Variants in RABGAP1L observed in about 807,000 individuals in gnomAD.
The protein encoded by RABGAP1L is rab GTPase-activating protein 1-like.
A neutral mutation model predicts 137.7 loss-of-function variants in RABGAP1L; 63 were observed. The observed-to-expected ratio is 0.46, with a 90% confidence interval of 0.37 to 0.56. RABGAP1L has a LOEUF of 0.56. RABGAP1L is among the 20% of genes least tolerant of loss of function. RABGAP1L has a pLI of 0.00. For synonymous variants in RABGAP1L, 431 were observed against 433.7 expected (o/e 0.99, Z 0.08); for missense variants, 1,095 against 1,244.0 (o/e 0.88, Z 1.80).
chr1:174,427,399 G>A (rs1002255763), intron 13 of RABGAP1L, among the ~76,000 whole-genome samples: 3 of 151,952 alleles, frequency 2.0e-5, no homozygotes, highest in East Asian at 1.9e-4. Flanking sequence ...TCTCTCTTAA[G>A]CATGTCTTAG....
intron 4 of RABGAP1L, among the ~76,000 whole-genome samples, chr1:174,240,895 A>G (rs1259176437): frequency 1.3e-5 from 2 of 151,858 alleles, no homozygotes; most frequent in Non-Finnish European, 2.9e-5. Context: ...AAGAATGAAG[A>G]AATTGTGAGA....
chr1:174,472,609 C>G (rs1308216857), intron 13 of RABGAP1L, among the ~76,000 whole-genome samples: 1 of 152,192 alleles, frequency 6.6e-6, no homozygotes. Flanking sequence ...TTAAGTTGCA[C>G]AGGATGAGCT....
At chr1:174,785,024 A>G (rs1204008350) in intron 18 of RABGAP1L, among the ~76,000 whole-genome samples, 1 of 152,208 alleles carries the variant, frequency 6.6e-6, no homozygotes, top group Non-Finnish European at 1.5e-5. Context: ...GTATTTCACA[A>G]TACAATATTT....
At chr1:174,203,797 G>A (rs1400368875) in intron 1 of RABGAP1L, among the ~76,000 whole-genome samples, 3 of 152,124 alleles carry the variant, frequency 2.0e-5, no homozygotes, top group Admixed American at 2.0e-4. Flanking sequence ...TCTTAGTGTA[G>A]AGATGTTCTA....
At chr1:174,617,479 T>A (rs1254846370) in intron 13 of RABGAP1L, among the ~76,000 whole-genome samples, 1 of 152,238 alleles carries the variant, frequency 6.6e-6, no homozygotes, top group Non-Finnish European at 1.5e-5. Flanking sequence ...CTAGAACTGT[T>A]ATAGTCTCTC....
At chr1:174,464,346 C>G (rs1657055754) in intron 13 of RABGAP1L, among the ~76,000 whole-genome samples, 1 of 152,096 alleles carries the variant, frequency 6.6e-6, no homozygotes, top group African/African-American at 2.4e-5. Context: ...GAAAGCCCAT[C>G]TACTCTCAGG....
At chr1:174,519,383 C>T (rs568464743) in intron 13 of RABGAP1L, among the ~76,000 whole-genome samples, 1 of 152,132 alleles carries the variant, frequency 6.6e-6, no homozygotes, top group East Asian at 1.9e-4. Context: ...CAGGAAGCAT[C>T]CAGCATGGGA....
intron 24 of RABGAP1L, among the ~76,000 whole-genome samples, chr1:174,984,760 CA>C (rs911310441): frequency 2.6e-5 from 4 of 151,726 alleles, no homozygotes; most frequent in African/African-American, 9.7e-5. Flanking sequence ...AAAAAACAAA[CA>C]AAAAAAGTGC....
chr1:174,327,984 C>CATATATATATATATGTATAT (rs1314813386), intron 11 of RABGAP1L, among the ~76,000 whole-genome samples: 3 of 37,864 alleles, frequency 7.9e-5, no homozygotes, highest in African/African-American at 3.3e-4. Context: ...TATATACACA[C>CATATATATATATATGTATAT]ACATATATAT....
chr1:174,276,912 G>T (rs1387668987), intron 9 of RABGAP1L, among the ~76,000 whole-genome samples: 1 of 151,674 alleles, frequency 6.6e-6, no homozygotes, highest in Admixed American at 6.6e-5. Context: ...TTTACCTGCC[G>T]AGTTATATGC....
chr1:174,609,010 A>C (rs1237532698), intron 13 of RABGAP1L, among the ~76,000 whole-genome samples: 1 of 152,124 alleles, frequency 6.6e-6, no homozygotes, highest in African/African-American at 2.4e-5. Context: ...ATACCGAATT[A>C]CCTCAACACT....
chr1:174,394,014 C>G lies in RABGAP1L; in HGVS notation c.1579C>G (p.Arg527Gly), dbSNP rs1462676250. The G allele has an allele frequency of 1.8e-5, 29 of 1,613,126 alleles. No individual in the cohort carries two copies. The highest frequency in any genetic ancestry group is 2.4e-5 in the Non-Finnish European group (28 of 1,179,554). Residue 527 changes from arginine (R) to glycine (G), a missense_variant, in exon 13 of 26, where the codon CGA becomes GGA. By Grantham distance (125) the Arg-to-Gly change is moderately radical (BLOSUM62 -2). This residue lies in a region of RABGAP1L where 315 missense variants were observed against 324.8 expected (regional missense o/e 0.97). Coordinates refer to ENST00000681986, the MANE Select transcript of RABGAP1L (RefSeq NM_001366446.1). Reference sequence around the variant, plus strand: ...TCTCAGGCACAGTAACCTTGGTGCACGACCGAAAGGGCTGTCTACTCTGGT... The same window carrying G: ...TCTCAGGCACAGTAACCTTGGTGCAGGACCGAAAGGGCTGTCTACTCTGGT... Reference protein sequence around the residue: ...LGKWHSNLGARPKGLSTLVKS... With the variant: ...LGKWHSNLGAGPKGLSTLVKS...
chr1:174,505,467 C>CTT (rs201584880), intron 13 of RABGAP1L, among the ~76,000 whole-genome samples: 30 of 146,262 alleles, frequency 2.1e-4, no homozygotes, highest in South Asian at 8.6e-4. Context: ...TTGTGAAGAC[C>CTT]TTTTTTTTTT....
At chr1:174,200,352 A>C (rs922464545) in intron 1 of RABGAP1L, among the ~76,000 whole-genome samples, 12 of 152,244 alleles carry the variant, frequency 7.9e-5, no homozygotes, top group African/African-American at 2.9e-4. Flanking sequence ...TATTCTTGAC[A>C]GGAAAATTCT....
chr1:174,920,148 G>A (rs1661557681), intron 19 of RABGAP1L, among the ~76,000 whole-genome samples: 1 of 152,178 alleles, frequency 6.6e-6, no homozygotes, highest in African/African-American at 2.4e-5. Context: ...AATGTTAGTG[G>A]CCTAACTACT....
chr1:174,282,845 C>A (rs1675697812), intron 10 of RABGAP1L, among the ~76,000 whole-genome samples: 2 of 152,180 alleles, frequency 1.3e-5, no homozygotes, highest in African/African-American at 4.8e-5. Context: ...GTTCCAGCAT[C>A]ATTTGTTGAA....
intron 14 of RABGAP1L, among the ~76,000 whole-genome samples, chr1:174,663,520 A>G (rs1237056549): frequency 6.6e-6 from 1 of 152,194 alleles, no homozygotes; most frequent in Non-Finnish European, 1.5e-5. Context: ...CACAACAACA[A>G]AATTGCCTAA....
chr1:174,302,092 A>T (rs762381779), intron 10 of RABGAP1L, among the ~76,000 whole-genome samples: 1 of 152,212 alleles, frequency 6.6e-6, no homozygotes, highest in Non-Finnish European at 1.5e-5. Context: ...AAGTTCTAAG[A>T]TACGGACAAG....
intron 13 of RABGAP1L, among the ~76,000 whole-genome samples, chr1:174,567,825 A>G (rs1167591322): frequency 6.6e-6 from 1 of 152,216 alleles, no homozygotes; most frequent in East Asian, 1.9e-4. Flanking sequence ...TTTTACAATA[A>G]GAAAGATGTC....
Sources: allele counts gnomAD v4.1 joint callset (sites outside exome capture counted in the v4.1 genomes callset), GRCh38; gene constraint gnomAD v4.1.1; regional missense constraint gnomAD v4.1.1; transcripts MANE v1.5; gene names NCBI Gene and HGNC (gene_info 2026-07-23, HGNC 2026-07-21).